Variants in PCDHGA11 observed in about 807,000 individuals in gnomAD.
The protein encoded by PCDHGA11 is protocadherin gamma subfamily A, 11.
In PCDHGA11, 39 loss-of-function variants were observed where a neutral mutation model predicts 60.4. That is an observed-to-expected ratio of 0.65 (90% CI 0.50 to 0.84). The LOEUF (loss-of-function observed/expected upper bound fraction) is 0.84, where lower values mean the gene tolerates loss of function less well. Ranked by LOEUF, PCDHGA11 falls within the 40% of genes least tolerant of loss-of-function variation. The pLI is 0.00. For synonymous variants in PCDHGA11, 533 were observed against 510.3 expected, an observed-to-expected ratio of 1.04 and a Z score of -0.60; for missense variants, 1,165 against 1,197.7, an observed-to-expected ratio of 0.97 and a Z score of 0.40.
intron 1 of PCDHGA11, among the ~76,000 whole-genome samples, chr5:141,425,812 G>A (rs1472168775): frequency 6.6e-6 from 1 of 152,054 alleles, no homozygotes; most frequent in African/African-American, 2.4e-5. Context: ...CTTCTGCTTA[G>A]AAAAAAACAA....
chr5:141,459,260 T>G (rs551625614), intron 1 of PCDHGA11, among the ~76,000 whole-genome samples: 1 of 152,344 alleles, frequency 6.6e-6, no homozygotes, highest in South Asian at 2.1e-4. Flanking sequence ...TAAATTAGTG[T>G]TGCCTCTTTC....
rs1488305057 is a variant in PCDHGA11, at chr5:141,477,736, C to A, written c.2434-17071C>A. ...AATTTGAATTAACAGCTCATATCAG[C>A]GATGGGGGCACCCCGGTCCTAGCCA... On this transcript the variant is annotated intron_variant, in intron 1 of 3. Transcript: ENST00000398587. This position sits in a 1 kb window ranked among gnomAD's most constrained non-coding sequence, Gnocchi z 4.9. The A allele has an allele frequency of 6.2e-7, 1 of 1,613,790 alleles. No homozygotes were observed. Among genetic ancestry groups the A allele is most frequent in the Non-Finnish European group, 8.5e-7 (1 of 1,180,024 alleles).
Position 141,477,403 on chromosome 5 carries a change from C to T in PCDHGA11, c.2434-17404C>T, listed in dbSNP as rs1329599078. 2 of 1,614,164 alleles carry T rather than the reference C, an allele frequency of 1.2e-6. No individual in the cohort carries two copies. Among genetic ancestry groups the T allele is most frequent in the Non-Finnish European group, 1.7e-6 (2 of 1,180,042 alleles). ...CAGAATACAACCTCAGCATCACCGC[C>T]CGAGACGCCGGAACCCCTTCCCTCT... is the stretch of plus-strand genomic sequence containing the variant. On this transcript the variant is annotated intron_variant, in intron 1 of 3. Transcript: ENST00000398587. The surrounding 1 kb of genome is among the most constrained non-coding windows in gnomAD (Gnocchi z 4.9).
chr5:141,421,651 A>C lies in PCDHGA11; in HGVS notation c.424A>C (p.Lys142Gln). 1 of 1,613,868 alleles carries C rather than the reference A, an allele frequency of 6.2e-7. No individual in the cohort carries two copies. The highest frequency in any genetic ancestry group is 8.5e-7 in the Non-Finnish European group (1 of 1,179,820). Residue 142 changes from lysine (K) to glutamine (Q), a missense_variant, in exon 1 of 4, where the codon AAA (lysine) becomes CAA (glutamine). Lys to Gln is a moderately conservative substitution (Grantham distance 53). Coordinates refer to ENST00000398587, the MANE Select transcript of PCDHGA11 (RefSeq NM_018914.3). ...CTTCCAGGAGGACGAAGTGGAGATAAAAGTCAGTGAGCACGCAATTCCTGG... is the reference window on the plus strand; with the variant it reads ...CTTCCAGGAGGACGAAGTGGAGATACAAGTCAGTGAGCACGCAATTCCTGG... ...PSFQEDEVEI[K>Q]VSEHAIPGAR...
chr5:141,494,749 G>C (rs573811540), intron 1 of PCDHGA11, 58 bp from the exon 2 acceptor site: 3 of 1,612,818 alleles, frequency 1.9e-6, no homozygotes, highest in South Asian at 2.2e-5. Context: ...CTAGGGGCTC[G>C]GGTGACATTC....
rs766168062 is a variant in PCDHGA11, at chr5:141,491,124, G to A, written c.2434-3683G>A. ...TCGTGTCTACACACACTGGTGAGGT[G>A]CGCACAGCCCGGGCCTTACTGGAGG... On this transcript the variant is annotated intron_variant, in intron 1 of 3. Transcript: ENST00000398587. The surrounding 1 kb of genome is among the most constrained non-coding windows in gnomAD (Gnocchi z 6.9). 22 of 1,614,092 alleles carry A rather than the reference G, an allele frequency of 1.4e-5. No individual in the cohort carries two copies. The highest frequency in any genetic ancestry group is 3.3e-5 in the Admixed American group (2 of 60,004).
Position 141,421,272 on chromosome 5 carries a change from G to A in PCDHGA11, c.45G>A (p.Leu15=). The A allele has an allele frequency of 6.2e-7, 1 of 1,612,340 alleles. No homozygotes were observed. Among genetic ancestry groups the A allele is most frequent in the Non-Finnish European group, 8.5e-7 (1 of 1,179,510 alleles). The change falls in exon 1 of 4, where the codon CTG becomes CTA. Residue 15 remains leucine, a synonymous_variant. Transcript: ENST00000398587. ...LQRGDRSRLL[L]LLCIFLGTLR... is the part of the protein sequence containing the mutation. ...GCGGGGACCGCAGTCGGCTGCTGCT[G>A]CTGCTGTGCATTTTCCTGGGGACGC...
chr5:141,433,208 C>CTTTT, intron 1 of PCDHGA11: 1 of 1,293,074 alleles, frequency 7.7e-7, no homozygotes, highest in African/African-American at 1.5e-5. Flanking sequence ...AATCTTCTTT[C>CTTTT]TTTTTTTTTT....
intron 2 of PCDHGA11, among the ~76,000 whole-genome samples, chr5:141,501,334 C>T (rs1462003251): frequency 6.9e-6 from 1 of 145,376 alleles, no homozygotes; most frequent in Non-Finnish European, 1.5e-5. Context: ...CACACACACA[C>T]CCCAAACTCA....
chr5:141,490,644 T>C lies in PCDHGA11; in HGVS notation c.2434-4163T>C. The C allele has an allele frequency of 6.2e-7, 1 of 1,614,188 alleles. No homozygotes were observed. Among genetic ancestry groups the C allele is most frequent in the Non-Finnish European group, 8.5e-7 (1 of 1,180,016 alleles). On this transcript the variant is annotated intron_variant, in intron 1 of 3. Coordinates refer to ENST00000398587, the MANE Select transcript of PCDHGA11 (RefSeq NM_018914.3). The surrounding 1 kb of genome is among the most constrained non-coding windows in gnomAD (Gnocchi z 5.4). Reference sequence around the variant, plus strand: ...CTGCTTACATCCTAGAAAACCGGCCTCCGGGCTCCCTTCTTTGCACTGTGG... The same window carrying C: ...CTGCTTACATCCTAGAAAACCGGCCCCCGGGCTCCCTTCTTTGCACTGTGG...
intron 1 of PCDHGA11, among the ~76,000 whole-genome samples, chr5:141,472,280 A>G (rs988007394): frequency 6.6e-6 from 1 of 152,276 alleles, no homozygotes; most frequent in African/African-American, 2.4e-5. Context: ...AGTGGCTCAC[A>G]CCTGTAATCC....
rs1348785166 is a variant in PCDHGA11, at chr5:141,431,381, C to T, written c.2433+7721C>T. On this transcript the variant is annotated intron_variant, in intron 1 of 3. Coordinates refer to ENST00000398587, the MANE Select transcript of PCDHGA11 (RefSeq NM_018914.3). The surrounding 1 kb of genome is among the most constrained non-coding windows in gnomAD (Gnocchi z 4.8). Reference sequence around the variant, plus strand: ...CCTGGACCGCGAAGAAAAGGCTGCTCACCACCTGGTCCTTACGGCCTCCGA... The same window carrying T: ...CCTGGACCGCGAAGAAAAGGCTGCTTACCACCTGGTCCTTACGGCCTCCGA... 1.2e-6 allele frequency: 2 copies of T among 1,613,940 alleles called. No homozygotes were observed. Among genetic ancestry groups the T allele is most frequent in the Non-Finnish European group, 1.7e-6 (2 of 1,180,042 alleles).
chr5:141,470,113 A>C (rs1209326739), intron 1 of PCDHGA11, among the ~76,000 whole-genome samples: 1 of 152,126 alleles, frequency 6.6e-6, no homozygotes, highest in Non-Finnish European at 1.5e-5. Context: ...TGAGCAACAG[A>C]GCAAGACTTC....
Position 141,511,030 on chromosome 5 carries a change from C to A in PCDHGA11, c.2665C>A (p.Gln889Lys). 9 of 1,614,224 alleles carry A rather than the reference C, an allele frequency of 5.6e-6. No individual in the cohort carries two copies. Among genetic ancestry groups the A allele is most frequent in the Non-Finnish European group, 7.6e-6 (9 of 1,180,032 alleles). Residue 889 changes from glutamine (Q) to lysine (K), a missense_variant, in exon 4 of 4, where the codon CAG (glutamine) becomes AAG (lysine). Transcript: ENST00000398587. ...SARYGPQFTLQHVPDYRQNVY... is the reference protein window; with the variant it reads ...SARYGPQFTLKHVPDYRQNVY... ...CCGCTACGGACCCCAGTTCACCCTGCAGCACGTGCCCGACTACCGCCAGAA... is the reference window on the plus strand; with the variant it reads ...CCGCTACGGACCCCAGTTCACCCTGAAGCACGTGCCCGACTACCGCCAGAA...
chr5:141,459,506 A>G (rs1156362858), intron 1 of PCDHGA11, among the ~76,000 whole-genome samples: 1 of 152,236 alleles, frequency 6.6e-6, no homozygotes, highest in East Asian at 1.9e-4. Flanking sequence ...GATGTGAACA[A>G]TCATGTACAA....
At position 141,505,451 on chromosome 5, in the gene PCDHGA11, C is replaced by T. The variant is rs1350424069; in HGVS notation, c.2551C>T (p.Leu851=). Residue 851 remains leucine (L), a synonymous_variant, in exon 3 of 4, where the codon CTG becomes TTG. Transcript: ENST00000398587. The part of the protein sequence containing the change: ...WPNNQFDTEM[L]QAMILASASE... ...CAACAACCAGTTTGACACAGAGATG[C>T]TGCAAGCCATGATCTTGGCGTCCGC... The T allele has an allele frequency of 1.2e-6, 2 of 1,614,222 alleles. No individual in the cohort carries two copies. The highest frequency in any genetic ancestry group is 1.7e-6 in the Non-Finnish European group (2 of 1,180,048).
intron 1 of PCDHGA11, chr5:141,433,096 C>G: frequency 3.1e-6 from 5 of 1,614,118 alleles, no homozygotes; most frequent in Non-Finnish European, 4.2e-6. Flanking sequence ...CAGACATGCT[C>G]GTCAGCCAGG....
chr5:141,486,137 G>A lies in PCDHGA11; in HGVS notation c.2434-8670G>A, dbSNP rs1187526031. 1 of 1,614,074 alleles carries A rather than the reference G, an allele frequency of 6.2e-7. No individual in the cohort carries two copies. On this transcript the variant is annotated intron_variant, in intron 1 of 3. Coordinates refer to ENST00000398587, the MANE Select transcript of PCDHGA11 (RefSeq NM_018914.3). The surrounding 1 kb of genome is among the most constrained non-coding windows in gnomAD (Gnocchi z 5.0). ...GAATTACTATGAATTTGATGTGCGGGCTCGCGATGGGGGTTCTCCAGCCAT... is the reference window on the plus strand; with the variant it reads ...GAATTACTATGAATTTGATGTGCGGACTCGCGATGGGGGTTCTCCAGCCAT...
intron 1 of PCDHGA11, among the ~76,000 whole-genome samples, chr5:141,433,449 T>C (rs2097611087): frequency 6.6e-6 from 1 of 152,068 alleles, no homozygotes; most frequent in Non-Finnish European, 1.5e-5. Context: ...TTGAGCAGGC[T>C]GATCTGAAAC....
Sources: allele counts gnomAD v4.1 joint callset (sites outside exome capture counted in the v4.1 genomes callset), GRCh38; gene constraint gnomAD v4.1.1; non-coding constraint Gnocchi (gnomAD v3.1); transcripts MANE v1.5; gene names NCBI Gene and HGNC (gene_info 2026-07-23, HGNC 2026-07-21).